Variants in AS3MT observed in about 807,000 individuals in gnomAD.
The protein encoded by AS3MT is S-adenosyl-L-methionine:arsenic(III) methyltransferase.
AS3MT carries 47 observed loss-of-function variants against 45.3 expected under a neutral mutation model. The observed-to-expected ratio is 1.04, with a 90% CI of 0.82 to 1.32. The LOEUF (loss-of-function observed/expected upper bound fraction) is 1.32, where lower values mean the gene tolerates loss of function less well. Ranked by LOEUF, AS3MT falls within the 40% of genes most tolerant of loss-of-function variation. AS3MT has a pLI of 0.00. For missense variants in AS3MT, 396 were observed against 451.1 expected (o/e 0.88, Z 1.11); for synonymous variants, 141 against 152.8 (o/e 0.92, Z 0.57).
At chr10:102,879,733 C>T (rs1216819314) in intron 9 of AS3MT, among the ~76,000 whole-genome samples, 1 of 141,262 alleles carries the variant, frequency 7.1e-6, no homozygotes, top group Non-Finnish European at 1.5e-5. Context: ...CATGCCATTG[C>T]ACTCCAGCCT....
At chr10:102,897,020 G>T (rs1051964314) in intron 10 of AS3MT, among the ~76,000 whole-genome samples, 14 of 152,130 alleles carry the variant, frequency 9.2e-5, no homozygotes, top group African/African-American at 3.4e-4. Context: ...CTGCTGGTGA[G>T]AATCAATATT....
At position 102,901,033 on chromosome 10, in the gene AS3MT, G is replaced by GCTGAGA; in HGVS notation, c.*333_*334insCTGAGA. On this transcript the variant is annotated 3_prime_UTR_variant, in exon 11 of 11. Coordinates refer to ENST00000369880, the MANE Select transcript of AS3MT (RefSeq NM_020682.4). ...ACCCAGGAAGTAGAGGCTGCAGTGA[G>GCTGAGA]TAAGCATCACGCCACTGTACTCCAG... 1.2e-4 allele frequency: 19 copies of GCTGAGA among 162,818 alleles called. No homozygotes were observed. The highest frequency in any genetic ancestry group is 4.2e-4 in the South Asian group (3 of 7,206). The allele number at this position is 162,818 out of a possible 1,614,324, so 10.1% of individuals were successfully genotyped here.
At chr10:102,888,866 TATATATATATATA>T (rs1293064310) in intron 9 of AS3MT, among the ~76,000 whole-genome samples, 10 of 90,230 alleles carry the variant, frequency 1.1e-4, no homozygotes, top group African/African-American at 3.8e-4. Flanking sequence ...TATATATATA[TATATATATATATA>T]TATTTTTTTT....
At chr10:102,872,960 T>TACGAC in intron 4 of AS3MT, 137 bp from the exon 5 acceptor site, 2 of 746,836 alleles carry the variant, frequency 2.7e-6, no homozygotes, top group Non-Finnish European at 4.2e-6. Flanking sequence ...TAGTATATCC[T>TACGAC]ACGTGTCCAC....
chr10:102,876,366 G>A (rs1295017456), intron 6 of AS3MT, among the ~76,000 whole-genome samples: 1 of 150,150 alleles, frequency 6.7e-6, no homozygotes, highest in Non-Finnish European at 1.5e-5. Flanking sequence ...GACACTCACT[G>A]TACCCTCTAA....
intron 9 of AS3MT, among the ~76,000 whole-genome samples, chr10:102,883,409 A>G (rs1012301667): frequency 1.3e-5 from 2 of 151,792 alleles, no homozygotes; most frequent in South Asian, 4.2e-4. Flanking sequence ...CCAGAAATGC[A>G]CTTTAAAAAC....
chr10:102,873,275 TTTATTA>T (rs547139234), intron 5 of AS3MT, 42 bp downstream of exon 5: 12 of 1,322,194 alleles, frequency 9.1e-6, no homozygotes, highest in South Asian at 3.8e-5. Flanking sequence ...GCCCATTTTC[TTTATTA>T]TTATTATTAT....
intron 3 of AS3MT, among the ~76,000 whole-genome samples, chr10:102,871,442 G>C (rs1330932624): frequency 6.6e-6 from 1 of 151,208 alleles, no homozygotes; most frequent in South Asian, 2.1e-4. Context: ...GGCTGCTGGG[G>C]AGGCTGAGGC....
chr10:102,900,534 G>A (rs1447085713), intron 10 of AS3MT, 59 bp from the exon 11 acceptor site: 1 of 1,210,036 alleles, frequency 8.3e-7, no homozygotes, highest in Non-Finnish European at 1.2e-6. Flanking sequence ...AAATATTAGT[G>A]TTTGGGTACA....
chr10:102,872,271 C>A lies in AS3MT; in HGVS notation c.171-177C>A, dbSNP rs577722992. ...GTGGTAAAGCAGATACAGTCCCAGCCTTCATGGGTGTCCAGTTCAGTGGAG... is the reference window on the plus strand; with the variant it reads ...GTGGTAAAGCAGATACAGTCCCAGCATTCATGGGTGTCCAGTTCAGTGGAG... On this transcript the variant is annotated intron_variant, in intron 3 of 10. Coordinates refer to ENST00000369880, the MANE Select transcript of AS3MT (RefSeq NM_020682.4). 6.6e-5 allele frequency among the ~76,000 whole-genome samples: 10 copies of A among 152,282 alleles called. No individual in the cohort carries two copies. In the South Asian group the frequency reaches 2.1e-3, roughly 32 times the overall value.
intron 9 of AS3MT, among the ~76,000 whole-genome samples, chr10:102,882,536 C>T (rs1844880838): frequency 6.6e-6 from 1 of 152,170 alleles, no homozygotes; most frequent in Non-Finnish European, 1.5e-5. Flanking sequence ...CCTTCCACCT[C>T]AGCCTTCCAA....
At chr10:102,899,911 T>C (rs1432791881) in intron 10 of AS3MT, among the ~76,000 whole-genome samples, 1 of 152,246 alleles carries the variant, frequency 6.6e-6, no homozygotes, top group Admixed American at 6.5e-5. Context: ...AGGTGATCCA[T>C]TGGCCTCGGC....
intron 10 of AS3MT, among the ~76,000 whole-genome samples, chr10:102,895,618 G>C (rs1374710767): frequency 6.6e-6 from 1 of 152,128 alleles, no homozygotes; most frequent in African/African-American, 2.4e-5. Context: ...ACAAAAAGTA[G>C]AGTTACAAAC....
chr10:102,878,769 C>T (rs1248117230), intron 8 of AS3MT, 80 bp from the exon 9 acceptor site: 56 of 1,503,532 alleles, frequency 3.7e-5, no homozygotes, highest in Middle Eastern at 1.8e-4. Flanking sequence ...ATCTTTATAA[C>T]GTGTTTGCTC....
intron 9 of AS3MT, among the ~76,000 whole-genome samples, chr10:102,882,800 A>G (rs1844885372): frequency 6.6e-6 from 1 of 151,974 alleles, no homozygotes; most frequent in Admixed American, 6.6e-5. Context: ...CATGTTGGCC[A>G]GGCTGGTCTC....
intron 9 of AS3MT, among the ~76,000 whole-genome samples, chr10:102,885,172 C>G (rs1844928485): frequency 6.6e-6 from 1 of 152,126 alleles, no homozygotes; most frequent in South Asian, 2.1e-4. Flanking sequence ...AACCACCAAT[C>G]TACTCTCTAT....
At chr10:102,877,112 AT>A in intron 7 of AS3MT, 77 bp downstream of exon 7, 1 of 1,324,006 alleles carries the variant, frequency 7.6e-7, no homozygotes, top group Non-Finnish European at 1.1e-6. Context: ...AATAGCCAGG[AT>A]GAGGCTATAT....
intron 10 of AS3MT, among the ~76,000 whole-genome samples, chr10:102,892,486 A>G (rs1845086096): frequency 6.6e-6 from 1 of 152,118 alleles, no homozygotes; most frequent in Admixed American, 6.6e-5. Flanking sequence ...CAGCTGGTAA[A>G]ATAAGGGACT....
Position 102,900,980 on chromosome 10 carries a change from G to A in AS3MT, c.*280G>A, listed in dbSNP as rs748058096. The A allele has an allele frequency of 9.4e-5, 23 of 244,610 alleles. No individual in the cohort carries two copies. The highest frequency in any genetic ancestry group is 1.4e-4 in the Non-Finnish European group (18 of 124,410). The allele number at this position is 244,610 out of a possible 1,614,324, so 15.2% of individuals were successfully genotyped here. Reference sequence around the variant, plus strand: ...TGCACACCTATAGTCTCAGCTACTCGGGAGGCTGAGGCAGGAGAATTGCTT... The same window carrying A: ...TGCACACCTATAGTCTCAGCTACTCAGGAGGCTGAGGCAGGAGAATTGCTT... On this transcript the variant is annotated 3_prime_UTR_variant, in exon 11 of 11. Coordinates refer to ENST00000369880, the MANE Select transcript of AS3MT (RefSeq NM_020682.4).
Sources: allele counts gnomAD v4.1 joint callset (sites outside exome capture counted in the v4.1 genomes callset), GRCh38; gene constraint gnomAD v4.1.1; transcripts MANE v1.5; gene names NCBI Gene and HGNC (gene_info 2026-07-23, HGNC 2026-07-21).